The following POTEF variants were observed in gnomAD, a reference collection of about 807,000 sequenced individuals.
POTEF encodes POTE ankyrin domain family member F.
In POTEF, 20 loss-of-function variants were observed where a neutral mutation model predicts 83.2. That is an observed-to-expected ratio of 0.24 (90% CI 0.17 to 0.35). POTEF has a LOEUF of 0.35. Among genes scored for constraint, POTEF ranks in the 10% least tolerant of loss-of-function variants. POTEF has a pLI of 1.00. For synonymous variants in POTEF, 196 were observed against 446.4 expected (o/e 0.44, Z 7.07); for missense variants, 550 against 1,203.2 (o/e 0.46, Z 8.03).
intron 16 of POTEF, among the ~76,000 whole-genome samples, chr2:130,076,503 G>A (rs1683809637): frequency 6.7e-6 from 1 of 149,252 alleles, no homozygotes; most frequent in African/African-American, 2.5e-5. Flanking sequence ...TGGTGAAATA[G>A]GGGAAATATA....
At chr2:130,113,898 G>A (rs1445141511) in intron 5 of POTEF, among the ~76,000 whole-genome samples, 1 of 151,568 alleles carries the variant, frequency 6.6e-6, no homozygotes, top group African/African-American at 2.4e-5. Context: ...GTAGGAGAGA[G>A]ACCCATTTGC....
chr2:130,128,187 C>T (rs1474346725), intron 1 of POTEF, among the ~76,000 whole-genome samples: 1 of 148,708 alleles, frequency 6.7e-6, no homozygotes, highest in East Asian at 2.0e-4. Flanking sequence ...CCACAGTGCC[C>T]TGTTCCCACA....
chr2:130,120,833 G>C, intron 2 of POTEF: 1 of 462,954 alleles, frequency 2.2e-6, no homozygotes, highest in Non-Finnish European at 3.9e-6. Flanking sequence ...GTCAAGCCCA[G>C]CAAAGGAACA....
At chr2:130,095,180 G>A (rs1684217081) in intron 11 of POTEF, among the ~76,000 whole-genome samples, 1 of 90,112 alleles carries the variant, frequency 1.1e-5, no homozygotes. Flanking sequence ...GGCGCATGCT[G>A]CCACACCCGG....
chr2:130,103,391 A>G (rs994291406), intron 8 of POTEF, among the ~76,000 whole-genome samples: 1 of 150,294 alleles, frequency 6.7e-6, no homozygotes, highest in African/African-American at 2.5e-5. Context: ...GAGCCACCAC[A>G]CTTGTCCTTA....
At chr2:130,122,914 T>C (rs1168660599) in intron 2 of POTEF, among the ~76,000 whole-genome samples, 2 of 151,142 alleles carry the variant, frequency 1.3e-5, no homozygotes, top group Non-Finnish European at 2.9e-5. Context: ...TCAGCTGTAA[T>C]GGGTTTTTTG....
At chr2:130,108,205 C>G in intron 7 of POTEF, 126 bp from the exon 8 acceptor site, 1 of 1,423,612 alleles carries the variant, frequency 7.0e-7, no homozygotes, top group Non-Finnish European at 9.4e-7. Flanking sequence ...AGTATTATCC[C>G]ACCCACTTGT....
At chr2:130,114,750 T>C in intron 5 of POTEF, 131 bp downstream of exon 5, 1 of 1,370,448 alleles carries the variant, frequency 7.3e-7, no homozygotes, top group Non-Finnish European at 9.8e-7. Context: ...TCTTAGATAA[T>C]TAGGTCATTT....
At position 130,074,030 on chromosome 2, in the gene POTEF, G is replaced by C. The variant is rs1442599822; in HGVS notation, c.*214C>G. On this transcript the variant is annotated 3_prime_UTR_variant, in exon 17 of 17. Transcript: ENST00000409914. ...AAAAGAAGAACAAGGTACAATCAAAGTCCTTGGCCACATTGTAGAACTTTG... is the reference window on the plus strand; with the variant it reads ...AAAAGAAGAACAAGGTACAATCAAACTCCTTGGCCACATTGTAGAACTTTG... 1.1e-6 allele frequency: 1 copy of C among 946,778 alleles called. No individual in the cohort carries two copies. The highest frequency in any genetic ancestry group is 2.6e-5 in the East Asian group (1 of 37,752). The allele number at this position is 946,778 out of a possible 1,614,324, so 58.6% of individuals were successfully genotyped here.
chr2:130,128,693 C>T (rs1470553206), intron 1 of POTEF, among the ~76,000 whole-genome samples: 2 of 152,076 alleles, frequency 1.3e-5, no homozygotes, highest in Non-Finnish European at 2.9e-5. Context: ...TGATAGCGCA[C>T]CCTGAGTAAG....
chr2:130,126,043 C>T (rs1685083498), intron 2 of POTEF, among the ~76,000 whole-genome samples: 1 of 151,512 alleles, frequency 6.6e-6, no homozygotes, highest in African/African-American at 2.4e-5. Flanking sequence ...GTGGCTCACA[C>T]CTCCAATCCC....
chr2:130,107,531 G>A (rs1264987474), intron 8 of POTEF, among the ~76,000 whole-genome samples: 22 of 151,136 alleles, frequency 1.5e-4, no homozygotes, highest in Admixed American at 1.2e-3. Flanking sequence ...GAGGAGGTGA[G>A]CAGCAGGCAA....
At position 130,115,247 on chromosome 2, in the gene POTEF, G is replaced by A. The variant is rs151242207; in HGVS notation, c.603C>T (p.Val201=). Residue 201 remains valine (V), a synonymous_variant, in exon 4 of 17, where the codon GTC becomes GTT. Coordinates refer to ENST00000409914, the MANE Select transcript of POTEF (RefSeq NM_001099771.2). ...LLLDRRCQLN[V]LDNKKRTALI... is the part of the protein sequence containing the mutation. ...GAGCTGTCCTCTTTTTGTTGTCAAG[G>A]ACATTAAGTTGACATCGTCTGTCCA... The A allele has an allele frequency of 2.6e-5, 42 of 1,612,592 alleles. No homozygotes were observed. Among genetic ancestry groups the A allele is most frequent in the Admixed American group, 3.3e-5 (2 of 59,958 alleles).
chr2:130,114,119 T>C (rs2599868), intron 5 of POTEF, among the ~76,000 whole-genome samples: 1 of 151,394 alleles, frequency 6.6e-6, no homozygotes. Context: ...AAGGGTTTCC[T>C]CTTACATTAC....
chr2:130,126,300 T>A (rs188578352), intron 2 of POTEF, among the ~76,000 whole-genome samples: 7,429 of 57,402 alleles, frequency 0.13, 36 homozygotes, highest in African/African-American at 0.33. Flanking sequence ...CAAAACTCCA[T>A]CTCAAAAAAA....
intron 12 of POTEF, among the ~76,000 whole-genome samples, chr2:130,091,520 C>A (rs1684126371): frequency 6.6e-6 from 1 of 152,260 alleles, no homozygotes; most frequent in Non-Finnish European, 1.5e-5. Context: ...GTTGTGAGAA[C>A]AAGATGTTTG....
rs576299019 is a variant in POTEF, at chr2:130,083,380, A to G, written c.1778+2434T>C. On this transcript the variant is annotated intron_variant, in intron 15 of 16. Coordinates refer to ENST00000409914, the MANE Select transcript of POTEF (RefSeq NM_001099771.2). The stretch of plus-strand genomic sequence containing the variant: ...AAAGAAGATTGAGGACTGAGCCATG[A>G]GAAACAACAATGTCCAAAAGGAGAA... Among the ~76,000 whole-genome samples the G allele has an allele frequency of 2.6e-5, 4 of 152,198 alleles. No individual in the cohort carries two copies. The South Asian group carries it at 8.3e-4, about 32-fold the overall frequency.
intron 3 of POTEF, among the ~76,000 whole-genome samples, chr2:130,115,940 G>T (rs71277175): frequency 2.0e-5 from 3 of 151,826 alleles, no homozygotes; most frequent in African/African-American, 4.9e-5. Context: ...TACTATAATT[G>T]GCGGCATTTA....
intron 2 of POTEF, among the ~76,000 whole-genome samples, chr2:130,127,106 G>A (rs554719278): frequency 2.0e-5 from 3 of 151,794 alleles, no homozygotes; most frequent in South Asian, 4.2e-4. Flanking sequence ...TGGATCATGA[G>A]GTCAGGTGAT....
Sources: gnomAD v4.1 joint callset for allele counts (sites outside exome capture counted in the v4.1 genomes callset) on GRCh38, gnomAD v4.1.1 for gene constraint, MANE v1.5 for transcripts, NCBI Gene and HGNC (gene_info 2026-07-23, HGNC 2026-07-21) for gene names.